The following TRAPPC6A variants were observed in gnomAD, a reference collection of about 807,000 sequenced individuals.
The protein encoded by TRAPPC6A is trafficking protein particle complex subunit 6A, also known as TRAPP complex subunit 6A.
Under a neutral mutation model 20.8 loss-of-function variants are expected in TRAPPC6A, and 25 were observed. That is an observed-to-expected ratio of 1.20 (90% CI 0.88 to 1.68). The LOEUF (loss-of-function observed/expected upper bound fraction) is 1.68. Ranked by LOEUF, TRAPPC6A falls within the 40% of genes most tolerant of loss-of-function variation. The pLI is 0.00. For synonymous variants in TRAPPC6A, 96 were observed against 93.3 expected, an observed-to-expected ratio of 1.03 and a Z score of -0.16; for missense variants, 215 against 211.6, an observed-to-expected ratio of 1.02 and a Z score of -0.10.
Position 45,166,425 on chromosome 19 carries a change from T to C in TRAPPC6A, c.85-1231A>G, listed in dbSNP as rs371057730. 2.2e-4 allele frequency among the ~76,000 whole-genome samples: 34 copies of C among 151,574 alleles called. 2 individuals are homozygous for C. The highest frequency in any genetic ancestry group is 9.6e-4 in the East Asian group (5 of 5,188). On this transcript the variant is annotated intron_variant, in intron 1 of 5. Transcript: ENST00000585934. ...GGTTTCACCATGTTGGCCAGGCTGG[T>C]CTCAAACTCCTAGCCTCAAGTGATC...
Position 45,163,027 on chromosome 19 carries a change from T to A in TRAPPC6A, c.*165A>T. On this transcript the variant is annotated 3_prime_UTR_variant, in exon 6 of 6. Coordinates refer to ENST00000585934, the MANE Select transcript of TRAPPC6A (RefSeq NM_001270891.2). The surrounding 1 kb of genome is among the most constrained non-coding windows in gnomAD (Gnocchi z 5.3). The stretch of plus-strand genomic sequence containing the variant: ...GTCCTGACCGCAGCTGGGACCCCTT[T>A]GCCTCCTCTGACACCCCCACCTCAA... 1 of 717,608 alleles carries A rather than the reference T, an allele frequency of 1.4e-6. No homozygotes were observed. The highest frequency in any genetic ancestry group is 2.2e-6 in the Non-Finnish European group (1 of 445,282). 44.5% of individuals were successfully genotyped at this position (717,608 alleles called of 1,614,324 possible).
rs547864676 is a variant in TRAPPC6A at position 45,172,384 on chromosome 19, T to A, written c.84+5751A>T. Among the ~76,000 whole-genome samples, 5 of 151,730 alleles carry A rather than the reference T, an allele frequency of 3.3e-5. No homozygotes were observed. The East Asian group carries it at 9.6e-4, about 29-fold the overall frequency. On this transcript the variant is annotated intron_variant, in intron 1 of 5. Coordinates refer to ENST00000585934, the MANE Select transcript of TRAPPC6A (RefSeq NM_001270891.2). This position sits in a 1 kb window ranked among gnomAD's most constrained non-coding sequence, Gnocchi z 4.2. The stretch of plus-strand genomic sequence containing the variant: ...GGGGGCCATGTGCTCCACCCCTTCC[T>A]GTCTCTTGTGTCTGCCCTACCCCTC...
rs920809315 is a variant in TRAPPC6A, at chr19:45,172,217, G to A, written c.84+5918C>T. ...CTGTGCTGTGGGGACAGAGATGAAG[G>A]AGCCACCATCCCTGTCCTCAAGGAG... On this transcript the variant is annotated intron_variant, in intron 1 of 5. Coordinates refer to ENST00000585934, the MANE Select transcript of TRAPPC6A (RefSeq NM_001270891.2). This position sits in a 1 kb window ranked among gnomAD's most constrained non-coding sequence, Gnocchi z 4.2. Among the ~76,000 whole-genome samples, 15 of 151,854 alleles carry A rather than the reference G, an allele frequency of 9.9e-5. No homozygotes were observed. Among genetic ancestry groups the A allele is most frequent in the African/African-American group, 3.4e-4 (14 of 41,196 alleles).
At chr19:45,171,051 C>T (rs986738395) in intron 1 of TRAPPC6A, among the ~76,000 whole-genome samples, 3 of 152,210 alleles carry the variant, frequency 2.0e-5, no homozygotes, top group Non-Finnish European at 4.4e-5. Context: ...CCTGTAATCC[C>T]AGCACTTTGG....
At position 45,163,260 on chromosome 19, in the gene TRAPPC6A, A is replaced by G; in HGVS notation, c.449-37T>C. The G allele has an allele frequency of 6.2e-7, 1 of 1,612,632 alleles. No individual in the cohort carries two copies. The highest frequency in any genetic ancestry group is 8.5e-7 in the Non-Finnish European group (1 of 1,179,098). ...GGCCTGGCTTAGGCTTGAGGATGGG[A>G]TGGGGGAGGCAGAGGGCACCTGGAC... On this transcript the variant is annotated intron_variant, in intron 5 of 5. Transcript: ENST00000585934. This position sits in a 1 kb window ranked among gnomAD's most constrained non-coding sequence, Gnocchi z 5.3.
At chr19:45,165,863 C>T (rs578035285) in intron 1 of TRAPPC6A, among the ~76,000 whole-genome samples, 1 of 151,112 alleles carries the variant, frequency 6.6e-6, no homozygotes, top group African/African-American at 2.4e-5. Context: ...TGTCTGTCCA[C>T]GTGCCTGTGT....
chr19:45,178,097 G>A, intron 1 of TRAPPC6A, 38 bp downstream of exon 1: 1 of 1,612,336 alleles, frequency 6.2e-7, no homozygotes, highest in Non-Finnish European at 8.5e-7. Context: ...CGTTACCTTG[G>A]TGGCCCCCGC....
intron 1 of TRAPPC6A, among the ~76,000 whole-genome samples, chr19:45,175,789 G>C (rs528181422): frequency 1.3e-4 from 19 of 151,410 alleles, no homozygotes; most frequent in African/African-American, 4.7e-4. Flanking sequence ...GGGACTCCAG[G>C]GTTTCTCGTT....
At position 45,178,113 on chromosome 19, in the gene TRAPPC6A, C is replaced by G. The variant is rs1969435196; in HGVS notation, c.84+22G>C. 6.8e-6 allele frequency: 11 copies of G among 1,612,936 alleles called. No homozygotes were observed. The highest frequency in any genetic ancestry group is 8.5e-6 in the Non-Finnish European group (10 of 1,179,478). The stretch of plus-strand genomic sequence containing the variant: ...GTTACCTTGGTGGCCCCCGCTTCCT[C>G]CCCACGGAGCCCGGCGCTCACCCCC... On this transcript the variant is annotated intron_variant, in intron 1 of 5. Coordinates refer to ENST00000585934, the MANE Select transcript of TRAPPC6A (RefSeq NM_001270891.2).
At chr19:45,176,980 A>G (rs1234479524) in intron 1 of TRAPPC6A, among the ~76,000 whole-genome samples, 1 of 151,134 alleles carries the variant, frequency 6.6e-6, no homozygotes. Flanking sequence ...CATCCTGGCT[A>G]ACAGTGAAAA....
chr19:45,163,208 A>G lies in TRAPPC6A; in HGVS notation c.464T>C (p.Val155Ala), dbSNP rs147625882. ...GAGGCAGGCTTAGGATTTCGGAATCACCACCTGGAACTTACCTGGAAGAGA... is the reference window on the plus strand; with the variant it reads ...GAGGCAGGCTTAGGATTTCGGAATCGCCACCTGGAACTTACCTGGAAGAGA... ...AALPVCKFQVVIPKS is the reference protein window; with the variant it reads ...AALPVCKFQVAIPKS Residue 155 changes from valine (V) to alanine (A), a missense_variant, in exon 6 of 6, where the codon GTG becomes GCG. By Grantham distance (64) the Val-to-Ala change is moderately conservative. Transcript: ENST00000585934. The surrounding 1 kb of genome is among the most constrained non-coding windows in gnomAD (Gnocchi z 5.3). 26 of 1,613,754 alleles carry G rather than the reference A, an allele frequency of 1.6e-5. No individual in the cohort carries two copies. In the African/African-American group the frequency reaches 2.8e-4, roughly 17 times the overall value.
intron 1 of TRAPPC6A, among the ~76,000 whole-genome samples, chr19:45,177,335 C>G (rs79268829): frequency 0.13 from 20,229 of 152,046 alleles, 1,525 homozygotes; most frequent in Middle Eastern, 0.21. Context: ...TGGCAAAACC[C>G]CATTATCTCT....
At chr19:45,174,908 CAGG>C (rs2122857774) in intron 1 of TRAPPC6A, among the ~76,000 whole-genome samples, 1 of 149,942 alleles carries the variant, frequency 6.7e-6, no homozygotes, top group East Asian at 2.0e-4. Flanking sequence ...ATCATGAGGT[CAGG>C]AGATCGAGAC....
intron 1 of TRAPPC6A, among the ~76,000 whole-genome samples, chr19:45,175,817 A>G (rs1282157526): frequency 6.6e-6 from 1 of 152,094 alleles, no homozygotes; most frequent in Non-Finnish European, 1.5e-5. Flanking sequence ...CAGGAAGGAT[A>G]TGGAGTGTTG....
rs900284329 is a variant in TRAPPC6A, at chr19:45,173,314, A to C, written c.84+4821T>G. On this transcript the variant is annotated intron_variant, in intron 1 of 5. Transcript: ENST00000585934. This position sits in a 1 kb window ranked among gnomAD's most constrained non-coding sequence, Gnocchi z 4.8. ...TGTGACAGCCCAGGAGAATGGCCACAAATAACCACCGTACCAGGCAGGATA... is the reference window on the plus strand; with the variant it reads ...TGTGACAGCCCAGGAGAATGGCCACCAATAACCACCGTACCAGGCAGGATA... Among the ~76,000 whole-genome samples, 1 of 151,612 alleles carries C rather than the reference A, an allele frequency of 6.6e-6. No individual in the cohort carries two copies. Among genetic ancestry groups the C allele is most frequent in the African/African-American group, 2.4e-5 (1 of 41,166 alleles).
Position 45,168,991 on chromosome 19 carries a change from C to T in TRAPPC6A, c.85-3797G>A, listed in dbSNP as rs370265244. Among the ~76,000 whole-genome samples, 48 of 152,340 alleles carry T rather than the reference C, an allele frequency of 3.2e-4. 1 individual carries two copies. The highest frequency in any genetic ancestry group is 1.1e-3 in the African/African-American group (44 of 41,576). On this transcript the variant is annotated intron_variant, in intron 1 of 5. Transcript: ENST00000585934. ...CTCGCCCTCATGGGTGACAACGACA[C>T]GGCTTCCTGTTGCACTGTCTCCCTC...
At position 45,164,360 on chromosome 19, in the gene TRAPPC6A, C is replaced by G. The variant is rs568124736; in HGVS notation, c.271-113G>C. On this transcript the variant is annotated intron_variant, in intron 3 of 5. Transcript: ENST00000585934. ...GGGCTGAGGTTGGGAAGGCCCCCTTCCTGAGAACCACTGGAGTCACAGCCT... is the reference window on the plus strand; with the variant it reads ...GGGCTGAGGTTGGGAAGGCCCCCTTGCTGAGAACCACTGGAGTCACAGCCT... 391 of 707,226 alleles carry G rather than the reference C, an allele frequency of 5.5e-4. 2 individuals carry two copies. Among genetic ancestry groups the G allele is most frequent in the Non-Finnish European group, 8.3e-4 (350 of 422,318 alleles). The allele number at this position is 707,226 out of a possible 1,614,324, so 43.8% of individuals were successfully genotyped here.
At chr19:45,166,639 G>A (rs1277921753) in intron 1 of TRAPPC6A, among the ~76,000 whole-genome samples, 1 of 151,868 alleles carries the variant, frequency 6.6e-6, no homozygotes, top group Non-Finnish European at 1.5e-5. Context: ...TTCAGAGAAA[G>A]CCTGGCAGAG....
At position 45,163,089 on chromosome 19, in the gene TRAPPC6A, G is replaced by T; in HGVS notation, c.*103C>A. The stretch of plus-strand genomic sequence containing the variant: ...CTTCCTGAGCAAATGTGACCCCTAG[G>T]GCCTGGGATTCCCAAGACCACCCCG... On this transcript the variant is annotated 3_prime_UTR_variant, in exon 6 of 6. Coordinates refer to ENST00000585934, the MANE Select transcript of TRAPPC6A (RefSeq NM_001270891.2). The surrounding 1 kb of genome is among the most constrained non-coding windows in gnomAD (Gnocchi z 5.3). 1 of 1,400,410 alleles carries T rather than the reference G, an allele frequency of 7.1e-7. No homozygotes were observed. Among genetic ancestry groups the T allele is most frequent in the Non-Finnish European group, 1.0e-6 (1 of 1,002,554 alleles). 86.7% of individuals were successfully genotyped at this position (1,400,410 alleles called of 1,614,324 possible).
Sources: gnomAD v4.1 joint callset for allele counts (sites outside exome capture counted in the v4.1 genomes callset) on GRCh38, gnomAD v4.1.1 for gene constraint, Gnocchi (gnomAD v3.1) non-coding constraint, MANE v1.5 for transcripts, NCBI Gene and HGNC (gene_info 2026-07-23, HGNC 2026-07-21) for gene names.